The following COLEC12 variants were observed in gnomAD, a reference collection of about 807,000 sequenced individuals.
COLEC12 encodes the protein collectin subfamily member 12, also known as collectin-12.
COLEC12 carries 33 observed loss-of-function variants against 71.1 expected under a neutral mutation model. The observed-to-expected ratio is 0.46, with a 90% CI of 0.35 to 0.62. The LOEUF is 0.62. Among genes scored for constraint, COLEC12 ranks in the 20% least tolerant of loss-of-function variants. The probability of loss-of-function intolerance (pLI) is 0.00; values close to 1 mark genes in which losing one functional copy is unlikely to be tolerated. For missense variants in COLEC12, 765 were observed against 916.1 expected, an observed-to-expected ratio of 0.84 and a Z score of 2.13; for synonymous variants, 350 against 353.0, an observed-to-expected ratio of 0.99 and a Z score of 0.10.
At chr18:479,133 T>C (rs1291903409) in intron 2 of COLEC12, among the ~76,000 whole-genome samples, 1 of 152,202 alleles carries the variant, frequency 6.6e-6, no homozygotes, top group Non-Finnish European at 1.5e-5. Flanking sequence ...TATCTTTCTG[T>C]GTTTTTTTGT....
At chr18:402,203 G>A (rs1172361531) in intron 2 of COLEC12, among the ~76,000 whole-genome samples, 2 of 152,078 alleles carry the variant, frequency 1.3e-5, no homozygotes, top group Non-Finnish European at 2.9e-5. Context: ...AGGAGCACTG[G>A]TTACAGAATT....
intron 2 of COLEC12, among the ~76,000 whole-genome samples, chr18:389,254 ATT>A (rs35325003): frequency 4.7e-4 from 66 of 141,756 alleles, no homozygotes; most frequent in Admixed American, 6.4e-4. Flanking sequence ...CTGTGCAGCA[ATT>A]TTTTTTTTTT....
At chr18:368,866 A>AAAAAC (rs1036627803) in intron 2 of COLEC12, among the ~76,000 whole-genome samples, 8 of 152,138 alleles carry the variant, frequency 5.3e-5, no homozygotes, top group Admixed American at 3.3e-4. Flanking sequence ...ACTCCGTCTC[A>AAAAAC]AAAACAAAAC....
chr18:319,512 C>CA lies in COLEC12; in HGVS notation c.*532dup, dbSNP rs11336256. 2.4e-3 allele frequency: 214 copies of CA among 88,734 alleles called. No homozygotes were observed. The highest frequency in any genetic ancestry group is 6.7e-3 in the South Asian group (20 of 3,006). 5.5% of individuals were successfully genotyped at this position (88,734 alleles called of 1,614,324 possible). ...TCCATGTATTATGTCGGTAAAATGA[C>CA]AAAAAAAAAAAAAGGAAAAAAATTG... On this transcript the variant is annotated 3_prime_UTR_variant, in exon 10 of 10. Coordinates refer to ENST00000400256, the MANE Select transcript of COLEC12 (RefSeq NM_130386.3).
chr18:420,926 T>C (rs1207405755), intron 2 of COLEC12, among the ~76,000 whole-genome samples: 1 of 152,086 alleles, frequency 6.6e-6, no homozygotes, highest in African/African-American at 2.4e-5. Flanking sequence ...TGCTCCTCTC[T>C]CCTAATCATC....
At chr18:460,662 G>T (rs955750095) in intron 2 of COLEC12, among the ~76,000 whole-genome samples, 5 of 152,160 alleles carry the variant, frequency 3.3e-5, no homozygotes, top group Non-Finnish European at 5.9e-5. Context: ...AGGCACGTGA[G>T]AAGCCCAGGG....
At chr18:470,551 A>G (rs1194275268) in intron 2 of COLEC12, among the ~76,000 whole-genome samples, 1 of 152,158 alleles carries the variant, frequency 6.6e-6, no homozygotes, top group East Asian at 1.9e-4. Flanking sequence ...ATTTAAGACC[A>G]GCCTGGGCAA....
intron 2 of COLEC12, among the ~76,000 whole-genome samples, chr18:459,294 G>A (rs771927431): frequency 1.3e-5 from 2 of 152,198 alleles, no homozygotes; most frequent in Non-Finnish European, 2.9e-5. Flanking sequence ...TTTGAAAGAT[G>A]CCAACAAAAC....
intron 2 of COLEC12, among the ~76,000 whole-genome samples, chr18:450,216 C>T (rs1319060241): frequency 1.3e-5 from 2 of 152,198 alleles, no homozygotes; most frequent in African/African-American, 4.8e-5. Context: ...TTCCAGCTCT[C>T]GGAAAATGTC....
intron 2 of COLEC12, among the ~76,000 whole-genome samples, chr18:397,688 C>A (rs778838049): frequency 6.6e-6 from 1 of 152,166 alleles, no homozygotes; most frequent in Non-Finnish European, 1.5e-5. Flanking sequence ...TCAGAGGAGG[C>A]TTTTTAAGCC....
rs200499433 is a variant in COLEC12, at chr18:343,742, TA to T, written c.1327+2552del. Among the ~76,000 whole-genome samples the T allele has an allele frequency of 5.8e-3, 889 of 152,332 alleles. 7 individuals are homozygous for T. The highest frequency in any genetic ancestry group is 0.021 in the African/African-American group (856 of 41,580). On this transcript the variant is annotated intron_variant, in intron 5 of 9. Coordinates refer to ENST00000400256, the MANE Select transcript of COLEC12 (RefSeq NM_130386.3). ...GGCCTGGGCTCGGATTCCACTGAGC[TA>T]CTTTTTACTTGTGTAAACCTCAGCA... is the stretch of plus-strand genomic sequence containing the variant.
intron 2 of COLEC12, among the ~76,000 whole-genome samples, chr18:463,739 C>T (rs993795177): frequency 6.6e-6 from 1 of 152,230 alleles, no homozygotes; most frequent in Non-Finnish European, 1.5e-5. Context: ...CGTTGTCACA[C>T]GTCCATCACC....
chr18:329,314 C>G (rs1049702998), intron 8 of COLEC12, among the ~76,000 whole-genome samples: 5 of 152,212 alleles, frequency 3.3e-5, no homozygotes, highest in African/African-American at 1.2e-4. Flanking sequence ...GTGAGTCTAA[C>G]CCAGACCTTT....
Position 321,646 on chromosome 18 carries a change from C to T in COLEC12, c.2209+16G>A. The T allele has an allele frequency of 1.2e-6, 2 of 1,614,074 alleles. 1 individual carries two copies. Among genetic ancestry groups the T allele is most frequent in the South Asian group, 2.2e-5 (2 of 91,062 alleles). ...ATAAGCTGGCAGCTCCCTCTTAAAT[C>T]CCATCTACTGCTCACCTGTCTCCCT... is the stretch of plus-strand genomic sequence containing the variant. On this transcript the variant is annotated intron_variant, in intron 9 of 9. Transcript: ENST00000400256.
At chr18:367,820 T>C (rs1914888717) in intron 2 of COLEC12, among the ~76,000 whole-genome samples, 1 of 152,192 alleles carries the variant, frequency 6.6e-6, no homozygotes, top group Non-Finnish European at 1.5e-5. Context: ...CCTGGTGTCG[T>C]GGCCCATGCC....
At chr18:373,463 A>G (rs1915045748) in intron 2 of COLEC12, among the ~76,000 whole-genome samples, 1 of 152,222 alleles carries the variant, frequency 6.6e-6, no homozygotes, top group Admixed American at 6.5e-5. Context: ...ACACAGATGA[A>G]GGGTTTGTAC....
chr18:382,611 T>C (rs1425258253), intron 2 of COLEC12, among the ~76,000 whole-genome samples: 1 of 152,052 alleles, frequency 6.6e-6, no homozygotes, highest in Admixed American at 6.6e-5. Context: ...TTAGCACTAA[T>C]CCCCCCGAGC....
intron 2 of COLEC12, among the ~76,000 whole-genome samples, chr18:445,086 G>A (rs979581705): frequency 3.3e-5 from 5 of 152,166 alleles, no homozygotes; most frequent in Non-Finnish European, 5.9e-5. Flanking sequence ...CCCACATGAA[G>A]TTTGGCACTC....
intron 1 of COLEC12, among the ~76,000 whole-genome samples, chr18:488,375 C>T (rs937320787): frequency 6.6e-6 from 1 of 151,988 alleles, no homozygotes; most frequent in Non-Finnish European, 1.5e-5. Context: ...AGCACCACTG[C>T]TCTCCAGACT....
Sources: gnomAD v4.1 joint callset for allele counts (sites outside exome capture counted in the v4.1 genomes callset) on GRCh38, gnomAD v4.1.1 for gene constraint, MANE v1.5 for transcripts, NCBI Gene and HGNC (gene_info 2026-07-23, HGNC 2026-07-21) for gene names.